The following PDE4D variants were observed in gnomAD, a reference collection of about 807,000 sequenced individuals.
PDE4D encodes phosphodiesterase 4D, also known as 3',5'-cyclic-AMP phosphodiesterase 4D.
PDE4D carries 24 observed loss-of-function variants against 87.4 expected under a neutral mutation model. That is an observed-to-expected ratio of 0.27 (90% CI 0.20 to 0.39). The LOEUF is 0.39. PDE4D is among the 10% of genes least tolerant of loss of function. PDE4D has a pLI of 1.00. For synonymous variants in PDE4D, 384 were observed against 383.2 expected, an observed-to-expected ratio of 1.00 and a Z score of -0.02; for missense variants, 714 against 1,041.0, an observed-to-expected ratio of 0.69 and a Z score of 4.32.
chr5:59,935,488 A>G (rs1756468437), intron 3 of PDE4D, among the ~76,000 whole-genome samples: 1 of 152,216 alleles, frequency 6.6e-6, no homozygotes, highest in Non-Finnish European at 1.5e-5. Flanking sequence ...TACACAACAT[A>G]CAGAGAAATG....
intron 1 of PDE4D, among the ~76,000 whole-genome samples, chr5:59,433,594 G>C (rs1031075328): frequency 6.6e-6 from 1 of 152,034 alleles, no homozygotes; most frequent in African/African-American, 2.4e-5. Context: ...AAAGATTAGA[G>C]CTACCATCCA....
At chr5:60,048,138 T>C (rs568780561) in intron 2 of PDE4D, among the ~76,000 whole-genome samples, 114 of 152,170 alleles carry the variant, frequency 7.5e-4, no homozygotes, top group African/African-American at 2.7e-3. Context: ...TTTGTCTCTT[T>C]TGATCTTTGT....
At chr5:60,460,471 T>C (rs779541926) in intron 1 of PDE4D, 134 of 1,530,326 alleles carry the variant, frequency 8.8e-5, no homozygotes, top group Middle Eastern at 2.3e-4. Flanking sequence ...ATTTGGGATT[T>C]TGGCGATCAA....
intron 1 of PDE4D, among the ~76,000 whole-genome samples, chr5:59,635,350 T>C (rs1370450855): frequency 6.6e-6 from 1 of 152,076 alleles, no homozygotes; most frequent in Non-Finnish European, 1.5e-5. Context: ...ACTATTCCAA[T>C]CAATAGAAAA....
intron 1 of PDE4D, among the ~76,000 whole-genome samples, chr5:59,846,403 A>G (rs1173552953): frequency 6.6e-6 from 1 of 151,844 alleles, no homozygotes; most frequent in Non-Finnish European, 1.5e-5. Flanking sequence ...TTTCATAAAA[A>G]CCACCCGGGA....
intron 2 of PDE4D, among the ~76,000 whole-genome samples, chr5:60,033,745 G>A (rs1271236240): frequency 2.0e-5 from 3 of 152,118 alleles, no homozygotes; most frequent in South Asian, 4.1e-4. Flanking sequence ...CACACCATCT[G>A]GATGAATCAA....
chr5:59,427,992 A>G (rs1795555745), intron 1 of PDE4D, among the ~76,000 whole-genome samples: 2 of 152,326 alleles, frequency 1.3e-5, no homozygotes, highest in East Asian at 1.9e-4. Context: ...AGTAATTATA[A>G]TCACAGATGG....
chr5:59,463,835 G>T (rs1209536271), intron 1 of PDE4D, among the ~76,000 whole-genome samples: 2 of 152,180 alleles, frequency 1.3e-5, no homozygotes, highest in African/African-American at 4.8e-5. Context: ...TGTGTAGAAA[G>T]AAGTAGACAT....
intron 1 of PDE4D, among the ~76,000 whole-genome samples, chr5:59,818,853 C>CA (rs931655946): frequency 1.1e-3 from 115 of 107,484 alleles, no homozygotes; most frequent in Middle Eastern, 4.3e-3. Context: ...TGGGGAAGAG[C>CA]AAAAAAAAAA....
chr5:59,390,261 AT>A (rs1787974597), intron 1 of PDE4D, among the ~76,000 whole-genome samples: 2 of 152,142 alleles, frequency 1.3e-5, no homozygotes, highest in African/African-American at 4.8e-5. Flanking sequence ...GCGCTCTCTA[AT>A]TTTGGATATA....
At chr5:59,959,982 A>G (rs1178446823) in intron 3 of PDE4D, among the ~76,000 whole-genome samples, 1 of 152,162 alleles carries the variant, frequency 6.6e-6, no homozygotes. Context: ...TCCATAAGAA[A>G]CTTATACAAA....
upstream of PDE4D, among the ~76,000 whole-genome samples, chr5:60,492,650 C>A (rs1749592275): frequency 6.6e-6 from 1 of 151,912 alleles, no homozygotes; most frequent in Non-Finnish European, 1.5e-5. Flanking sequence ...GGACAGAAAA[C>A]CAAACACCGC....
intron 5 of PDE4D, among the ~76,000 whole-genome samples, chr5:59,126,198 G>A (rs947385169): frequency 2.0e-5 from 3 of 150,396 alleles, no homozygotes; most frequent in South Asian, 4.2e-4. Context: ...AGGAAAGAAG[G>A]GTTCCATTTA....
At chr5:59,100,322 C>T (rs951581633) in intron 5 of PDE4D, among the ~76,000 whole-genome samples, 2 of 152,160 alleles carry the variant, frequency 1.3e-5, no homozygotes, top group East Asian at 1.9e-4. Context: ...TAAGTTACTC[C>T]GAAACATTCA....
At chr5:59,534,456 G>C (rs940043248) in intron 1 of PDE4D, among the ~76,000 whole-genome samples, 3 of 152,196 alleles carry the variant, frequency 2.0e-5, no homozygotes, top group African/African-American at 7.2e-5. Flanking sequence ...TCAAGGATCT[G>C]GTGGCTAATT....
chr5:59,026,014 A>T (rs1276043469), intron 6 of PDE4D, among the ~76,000 whole-genome samples: 1 of 152,266 alleles, frequency 6.6e-6, no homozygotes, highest in East Asian at 1.9e-4. Flanking sequence ...CTAGGCAAAC[A>T]TTGCAGAATA....
intron 1 of PDE4D, among the ~76,000 whole-genome samples, chr5:59,477,360 A>AT (rs1219952132): frequency 1.5e-5 from 2 of 135,394 alleles, no homozygotes; most frequent in African/African-American, 5.8e-5. Context: ...TAATAAAAAA[A>AT]AAAAAAAAAA....
chr5:59,350,103 T>C (rs1780272812), intron 1 of PDE4D, among the ~76,000 whole-genome samples: 1 of 152,194 alleles, frequency 6.6e-6, no homozygotes, highest in Non-Finnish European at 1.5e-5. Context: ...GTAGCTGTTG[T>C]AGCAAGTGAT....
intron 2 of PDE4D, among the ~76,000 whole-genome samples, chr5:60,054,298 C>T (rs375660088): frequency 1.2e-4 from 19 of 152,180 alleles, no homozygotes; most frequent in South Asian, 1.2e-3. Context: ...CGCCCATCAA[C>T]GATAGACTGG....
Sources: gnomAD v4.1 joint callset for allele counts (sites outside exome capture counted in the v4.1 genomes callset) on GRCh38, gnomAD v4.1.1 for gene constraint, MANE v1.5 for transcripts, NCBI Gene and HGNC (gene_info 2026-07-23, HGNC 2026-07-21) for gene names.